PTPRM: variants seen among roughly 807,000 people sequenced by gnomAD.
The protein encoded by PTPRM is protein tyrosine phosphatase receptor type M, also known as receptor-type tyrosine-protein phosphatase mu.
In PTPRM, 47 loss-of-function variants were observed where a neutral mutation model predicts 186.7. The observed-to-expected ratio is 0.25, with a 90% CI of 0.20 to 0.32. PTPRM has a LOEUF of 0.32. Ranked by LOEUF, PTPRM falls within the 10% of genes least tolerant of loss-of-function variation. PTPRM has a pLI of 1.00. For missense variants in PTPRM, 1,494 were observed against 1,865.0 expected (o/e 0.80, Z 3.66); for synonymous variants, 668 against 674.9 (o/e 0.99, Z 0.16).
At chr18:7,962,238 A>T (rs2053731979) in intron 7 of PTPRM, among the ~76,000 whole-genome samples, 1 of 152,162 alleles carries the variant, frequency 6.6e-6, no homozygotes, top group Non-Finnish European at 1.5e-5. Flanking sequence ...TAACATACAT[A>T]AACAAACATA....
chr18:7,892,599 GT>G (rs1268272116), intron 3 of PTPRM, among the ~76,000 whole-genome samples: 1 of 152,166 alleles, frequency 6.6e-6, no homozygotes, highest in Non-Finnish European at 1.5e-5. Flanking sequence ...TAAGTTAGAA[GT>G]TTTTTCTCAT....
At chr18:7,926,134 C>G (rs561049740) in intron 4 of PTPRM, among the ~76,000 whole-genome samples, 4 of 152,278 alleles carry the variant, frequency 2.6e-5, no homozygotes, top group Admixed American at 2.6e-4. Flanking sequence ...GTGTACTTGG[C>G]TTGAAAAGCT....
chr18:8,316,865 A>G (rs1316082036), intron 21 of PTPRM, among the ~76,000 whole-genome samples: 1 of 152,106 alleles, frequency 6.6e-6, no homozygotes, highest in Non-Finnish European at 1.5e-5. Flanking sequence ...GGGTTGAGCT[A>G]TATAGATACC....
At chr18:7,798,388 G>GT (rs200203691) in intron 2 of PTPRM, among the ~76,000 whole-genome samples, 5,866 of 152,024 alleles carry the variant, frequency 0.039, 176 homozygotes, top group African/African-American at 0.091. Context: ...AATTAGCTGG[G>GT]CGTGGTGGCA....
chr18:8,072,869 A>G (rs2089572346), intron 8 of PTPRM, among the ~76,000 whole-genome samples: 5 of 152,066 alleles, frequency 3.3e-5, no homozygotes, highest in Admixed American at 6.5e-5. Context: ...ATGAGGTACT[A>G]TCTTCCGTAA....
At chr18:8,259,512 C>A (rs533006124) in intron 19 of PTPRM, among the ~76,000 whole-genome samples, 1 of 150,672 alleles carries the variant, frequency 6.6e-6, no homozygotes, top group Non-Finnish European at 1.5e-5. Context: ...ATCCTTCCCC[C>A]GTTTTCTAAG....
chr18:8,331,650 T>C (rs1307369668), intron 22 of PTPRM, among the ~76,000 whole-genome samples: 2 of 152,240 alleles, frequency 1.3e-5, no homozygotes, highest in South Asian at 2.1e-4. Flanking sequence ...TATACTCATA[T>C]AGTTTTCATG....
chr18:7,804,632 T>C (rs556081135), intron 2 of PTPRM, among the ~76,000 whole-genome samples: 4 of 152,246 alleles, frequency 2.6e-5, no homozygotes, highest in Non-Finnish European at 5.9e-5. Flanking sequence ...GTCTATGTTC[T>C]GTCAAATTTT....
intron 1 of PTPRM, among the ~76,000 whole-genome samples, chr18:7,681,726 A>T (rs924876667): frequency 2.0e-5 from 3 of 152,180 alleles, no homozygotes; most frequent in African/African-American, 7.2e-5. Flanking sequence ...TCTCAATTGC[A>T]TTTCTTTTAA....
At chr18:7,678,284 T>G (rs1391465238) in intron 1 of PTPRM, among the ~76,000 whole-genome samples, 2 of 152,174 alleles carry the variant, frequency 1.3e-5, no homozygotes, top group Non-Finnish European at 2.9e-5. Flanking sequence ...TTCCAGGGGA[T>G]AGGGCTCCTG....
intron 1 of PTPRM, among the ~76,000 whole-genome samples, chr18:7,586,630 T>A (rs1490270328): frequency 6.6e-6 from 1 of 152,146 alleles, no homozygotes. Context: ...CTTAAAAGCC[T>A]GTATATTCAA....
At chr18:8,236,183 A>G (rs1039608100) in intron 14 of PTPRM, among the ~76,000 whole-genome samples, 2 of 151,850 alleles carry the variant, frequency 1.3e-5, no homozygotes, top group Non-Finnish European at 2.9e-5. Context: ...ATCTCCAACT[A>G]TAGTAGTGGA....
chr18:7,719,645 A>G (rs2040410062), intron 1 of PTPRM, among the ~76,000 whole-genome samples: 1 of 152,230 alleles, frequency 6.6e-6, no homozygotes, highest in Non-Finnish European at 1.5e-5. Context: ...GGTCAGCATA[A>G]TACTTAGTGG....
chr18:8,090,145 G>T (rs1313885052), intron 11 of PTPRM, among the ~76,000 whole-genome samples: 1 of 152,184 alleles, frequency 6.6e-6, no homozygotes, highest in South Asian at 2.1e-4. Flanking sequence ...CTGAGAGGTT[G>T]CACTAATCCA....
chr18:8,264,748 C>G (rs185303013), intron 19 of PTPRM, among the ~76,000 whole-genome samples: 1 of 135,022 alleles, frequency 7.4e-6, no homozygotes, highest in Non-Finnish European at 1.5e-5. Flanking sequence ...TGCACTCCTG[C>G]GTGGTGACAG....
At position 8,234,264 on chromosome 18, in the gene PTPRM, A is replaced by C. The variant is rs149661407; in HGVS notation, c.2301-9794A>C. The stretch of plus-strand genomic sequence containing the variant: ...ATTTAGTTCTTTGATTTCTTTCATC[A>C]GAATTTTACAGTTTTCCTCTATACT... On this transcript the variant is annotated intron_variant, in intron 14 of 32. Coordinates refer to ENST00000580170, the MANE Select transcript of PTPRM (RefSeq NM_001105244.2). Among the ~76,000 whole-genome samples, 1,381 of 152,294 alleles carry C rather than the reference A, an allele frequency of 9.1e-3. 22 individuals are homozygous for C. Among genetic ancestry groups the C allele is most frequent in the African/African-American group, 0.031 (1,294 of 41,576 alleles).
chr18:7,786,640 C>T (rs1385340403), intron 2 of PTPRM, among the ~76,000 whole-genome samples: 1 of 151,462 alleles, frequency 6.6e-6, no homozygotes, highest in Non-Finnish European at 1.5e-5. Context: ...TATGCCTTCT[C>T]ATGACACATC....
At chr18:8,327,315 G>C (rs1429401721) in intron 22 of PTPRM, among the ~76,000 whole-genome samples, 2 of 152,226 alleles carry the variant, frequency 1.3e-5, no homozygotes, top group African/African-American at 4.8e-5. Context: ...CCAGATGCCA[G>C]ATAGTCATTT....
At chr18:8,292,946 G>A (rs72916837) in intron 19 of PTPRM, among the ~76,000 whole-genome samples, 6,704 of 152,246 alleles carry the variant, frequency 0.044, 173 homozygotes, top group South Asian at 0.065. Flanking sequence ...AGAAAAAGCA[G>A]TGGATAAAGA....
Sources: allele counts gnomAD v4.1 joint callset (sites outside exome capture counted in the v4.1 genomes callset), GRCh38; gene constraint gnomAD v4.1.1; transcripts MANE v1.5; gene names NCBI Gene and HGNC (gene_info 2026-07-23, HGNC 2026-07-21).